GALNT17: variants seen among roughly 807,000 people sequenced by gnomAD.
GALNT17 encodes polypeptide N-acetylgalactosaminyltransferase 17.
A neutral mutation model predicts 63.7 loss-of-function variants in GALNT17; 29 were observed. The observed-to-expected ratio is 0.46, with a 90% CI of 0.34 to 0.62. The LOEUF is 0.62. Ranked by LOEUF, GALNT17 falls within the 20% of genes least tolerant of loss-of-function variation. GALNT17 has a pLI of 0.01. For synonymous variants in GALNT17, 305 were observed against 318.3 expected, an observed-to-expected ratio of 0.96 and a Z score of 0.45; for missense variants, 603 against 799.6, an observed-to-expected ratio of 0.75 and a Z score of 2.97.
chr7:71,492,472 C>T (rs904833026), intron 5 of GALNT17, among the ~76,000 whole-genome samples: 2 of 152,096 alleles, frequency 1.3e-5, no homozygotes, highest in Admixed American at 6.5e-5. Context: ...CCAGACTTGG[C>T]ACCCATGGAA....
intron 6 of GALNT17, among the ~76,000 whole-genome samples, chr7:71,663,577 T>C (rs967319265): frequency 1.2e-4 from 18 of 152,178 alleles, no homozygotes; most frequent in African/African-American, 4.1e-4. Context: ...GTCTGGAACA[T>C]CTATTCTCTA....
intron 5 of GALNT17, among the ~76,000 whole-genome samples, chr7:71,500,761 G>C (rs558149365): frequency 1.3e-5 from 2 of 152,142 alleles, no homozygotes; most frequent in South Asian, 4.2e-4. Flanking sequence ...AGGGAAGATG[G>C]GCTCTGATCA....
intron 1 of GALNT17, among the ~76,000 whole-genome samples, chr7:71,238,119 C>T (rs1789928407): frequency 6.6e-6 from 1 of 152,206 alleles, no homozygotes; most frequent in African/African-American, 2.4e-5. Flanking sequence ...CTGGGCAGCT[C>T]CCCTGTGGCA....
intron 7 of GALNT17, among the ~76,000 whole-genome samples, chr7:71,669,672 G>A (rs923808970): frequency 6.7e-6 from 1 of 148,902 alleles, no homozygotes; most frequent in Non-Finnish European, 1.5e-5. Flanking sequence ...AGTGATTCTC[G>A]TGCCTCAGCC....
intron 5 of GALNT17, among the ~76,000 whole-genome samples, chr7:71,534,422 A>G (rs978480279): frequency 6.6e-6 from 1 of 151,968 alleles, no homozygotes; most frequent in African/African-American, 2.4e-5. Flanking sequence ...ACAAGGTGAA[A>G]CCCCGTCTCT....
intron 1 of GALNT17, among the ~76,000 whole-genome samples, chr7:71,298,605 T>C (rs1483953069): frequency 6.6e-6 from 1 of 152,010 alleles, no homozygotes; most frequent in African/African-American, 2.4e-5. Context: ...CCTGCCTTAT[T>C]TCCAGGTGGC....
At position 71,532,500 on chromosome 7, in the gene GALNT17, A is replaced by C. The variant is rs139338814; in HGVS notation, c.963-38785A>C. Among the ~76,000 whole-genome samples, 32 of 152,348 alleles carry C rather than the reference A, an allele frequency of 2.1e-4. No homozygotes were observed. The East Asian group carries it at 5.8e-3, about 28-fold the overall frequency. On this transcript the variant is annotated intron_variant, in intron 5 of 10. Coordinates refer to ENST00000333538, the MANE Select transcript of GALNT17 (RefSeq NM_022479.3). ...CTTTCTGGGCTAAATAGCATATGTC[A>C]GGCAGTTCTTAGGGAGATGACACGG...
intron 5 of GALNT17, among the ~76,000 whole-genome samples, chr7:71,493,271 T>C (rs1454862724): frequency 2.0e-5 from 3 of 152,094 alleles, no homozygotes; most frequent in African/African-American, 7.2e-5. Flanking sequence ...CAGGCATCTG[T>C]GATGTTGCCC....
chr7:71,297,602 C>G (rs1464442132), intron 1 of GALNT17, among the ~76,000 whole-genome samples: 1 of 109,048 alleles, frequency 9.2e-6, no homozygotes, highest in African/African-American at 3.3e-5. Flanking sequence ...CACAGTGAGA[C>G]CTTGTCTCAA....
chr7:71,227,242 T>G (rs1396453628), intron 1 of GALNT17, among the ~76,000 whole-genome samples: 3 of 147,766 alleles, frequency 2.0e-5, no homozygotes, highest in African/African-American at 7.5e-5. Context: ...TATGTGCCAG[T>G]AGTCGCAGCT....
At chr7:71,583,468 A>G (rs1439462857) in intron 6 of GALNT17, among the ~76,000 whole-genome samples, 1 of 152,150 alleles carries the variant, frequency 6.6e-6, no homozygotes, top group Non-Finnish European at 1.5e-5. Flanking sequence ...GCTGCAGATG[A>G]TGAGCTGCTC....
At chr7:71,392,242 A>C (rs1793064636) in intron 3 of GALNT17, among the ~76,000 whole-genome samples, 1 of 152,176 alleles carries the variant, frequency 6.6e-6, no homozygotes, top group Non-Finnish European at 1.5e-5. Flanking sequence ...TGGGAGGTGA[A>C]GAGAGCACCA....
chr7:71,357,279 T>A (rs950409717), intron 2 of GALNT17, among the ~76,000 whole-genome samples: 2 of 152,162 alleles, frequency 1.3e-5, no homozygotes, highest in Non-Finnish European at 2.9e-5. Flanking sequence ...TGCCACCTCC[T>A]GCCAGATCAG....
rs376197120 is a variant in GALNT17 at position 71,272,194 on chromosome 7, C to G, written c.239-63356C>G. Among the ~76,000 whole-genome samples, 11 of 152,288 alleles carry G rather than the reference C, an allele frequency of 7.2e-5. No individual in the cohort carries two copies. In the South Asian group the frequency reaches 2.3e-3, roughly 32 times the overall value. ...ATGCTATTCCATGTATTGGGAGTTT[C>G]TTTCTTTTTTACTGTTAAGTAATTT... On this transcript the variant is annotated intron_variant, in intron 1 of 10. Coordinates refer to ENST00000333538, the MANE Select transcript of GALNT17 (RefSeq NM_022479.3).
In GALNT17 at chr7:71,280,486, G is replaced by T. The variant is rs148714274; in HGVS notation, c.239-55064G>T. ...TAGGCGTGAAAAAGATCAAGATTAG[G>T]ACATTGACCTATGAAGACCCTCTTG... is the stretch of plus-strand genomic sequence containing the variant. On this transcript the variant is annotated intron_variant, in intron 1 of 10. Transcript: ENST00000333538. 7.2e-5 allele frequency among the ~76,000 whole-genome samples: 11 copies of T among 152,266 alleles called. No individual in the cohort carries two copies. In the East Asian group the frequency reaches 1.7e-3, roughly 24 times the overall value.
intron 6 of GALNT17, among the ~76,000 whole-genome samples, chr7:71,582,396 A>AAAT (rs1789648695): frequency 6.7e-6 from 1 of 150,044 alleles, no homozygotes; most frequent in Admixed American, 6.7e-5. Flanking sequence ...AACATGGTGA[A>AAAT]ACACTGTCTC....
chr7:71,150,977 C>CAAAAA (rs34934868), intron 1 of GALNT17, among the ~76,000 whole-genome samples: 1 of 103,056 alleles, frequency 9.7e-6, no homozygotes. Context: ...ACCCTGACTT[C>CAAAAA]AAAAAAAAAA....
At chr7:71,623,391 G>A (rs1042075892) in intron 6 of GALNT17, among the ~76,000 whole-genome samples, 1 of 150,544 alleles carries the variant, frequency 6.6e-6, no homozygotes, top group African/African-American at 2.4e-5. Flanking sequence ...TGCTCTCGGT[G>A]GTAGTTTTTT....
chr7:71,542,227 C>T (rs897694517), intron 5 of GALNT17, among the ~76,000 whole-genome samples: 1 of 152,118 alleles, frequency 6.6e-6, no homozygotes, highest in African/African-American at 2.4e-5. Flanking sequence ...ATACATGTAA[C>T]ACTGTCATGC....
Sources: gnomAD v4.1 joint callset for allele counts (sites outside exome capture counted in the v4.1 genomes callset) on GRCh38, gnomAD v4.1.1 for gene constraint, MANE v1.5 for transcripts, NCBI Gene and HGNC (gene_info 2026-07-23, HGNC 2026-07-21) for gene names.